TRIM16: variants seen among roughly 807,000 people sequenced by gnomAD.
TRIM16 encodes the protein tripartite motif-containing protein 16.
In TRIM16, 33 loss-of-function variants were observed where a neutral mutation model predicts 50.4. The observed-to-expected ratio is 0.65, with a 90% CI of 0.50 to 0.88. TRIM16 has a LOEUF of 0.88. Among genes scored for constraint, TRIM16 ranks in the 40% least tolerant of loss-of-function variants. TRIM16 has a pLI of 0.00. For synonymous variants in TRIM16, 229 were observed against 270.7 expected, an observed-to-expected ratio of 0.85 and a Z score of 1.51; for missense variants, 581 against 686.8, an observed-to-expected ratio of 0.85 and a Z score of 1.72.
chr17:15,676,926 G>A (rs1262533310), intron 6 of TRIM16, among the ~76,000 whole-genome samples: 1 of 152,200 alleles, frequency 6.6e-6, no homozygotes, highest in Non-Finnish European at 1.5e-5. Flanking sequence ...AATGGGAATA[G>A]CCTCATAAAA....
At position 15,628,372 on chromosome 17, in the gene TRIM16, G is replaced by C; in HGVS notation, c.*243C>G. The stretch of plus-strand genomic sequence containing the variant: ...TGCAGTGAGCCAAGATCGCGCCACT[G>C]CTCTCCAGCCTGGGCAACAGTGCGA... On this transcript the variant is annotated 3_prime_UTR_variant, in exon 12 of 12. Coordinates refer to ENST00000649191, the MANE Select transcript of TRIM16 (RefSeq NM_001348119.1). 2.4e-6 allele frequency: 1 copy of C among 420,716 alleles called. No homozygotes were observed. 26.1% of individuals were successfully genotyped at this position (420,716 alleles called of 1,614,324 possible).
chr17:15,662,362 T>G (rs571104090), intron 6 of TRIM16, among the ~76,000 whole-genome samples: 36 of 152,304 alleles, frequency 2.4e-4, no homozygotes, highest in African/African-American at 7.7e-4. Context: ...AAGTGGCTGC[T>G]CCTGAGTCCC....
intron 6 of TRIM16, among the ~76,000 whole-genome samples, chr17:15,655,579 CTTTT>C (rs796123712): frequency 6.8e-6 from 1 of 146,626 alleles, no homozygotes; most frequent in Non-Finnish European, 1.5e-5. Flanking sequence ...TGATCTCTCT[CTTTT>C]TTTTTTTTTG....
At chr17:15,670,755 CTT>C (rs1246262790) in intron 6 of TRIM16, among the ~76,000 whole-genome samples, 1 of 152,222 alleles carries the variant, frequency 6.6e-6, no homozygotes, top group East Asian at 1.9e-4. Context: ...TTACTGGAAT[CTT>C]TTTAATTTCT....
intron 6 of TRIM16, among the ~76,000 whole-genome samples, chr17:15,673,158 T>G (rs140207369): frequency 1.3e-5 from 2 of 152,230 alleles, no homozygotes; most frequent in African/African-American, 4.8e-5. Flanking sequence ...TTGTTACCAA[T>G]TGTTAACAAA....
chr17:15,630,047 T>C (rs925215264), intron 11 of TRIM16, among the ~76,000 whole-genome samples: 31 of 152,216 alleles, frequency 2.0e-4, no homozygotes, highest in African/African-American at 7.2e-4. Context: ...GCTCTTATGA[T>C]AAAGCAGCAA....
In TRIM16 at chr17:15,672,326, C is replaced by G. The variant is rs1411854662; in HGVS notation, c.-338+4850G>C. Among the ~76,000 whole-genome samples the G allele has an allele frequency of 9.4e-5, 14 of 149,012 alleles. No individual in the cohort carries two copies. The East Asian group carries it at 2.7e-3, about 29-fold the overall frequency. On this transcript the variant is annotated intron_variant, in intron 6 of 11. Transcript: ENST00000649191. Reference sequence around the variant, plus strand: ...ACCCCCACCCCAGACTTTACCACAACCAAACAAACACACTGAGCTTTAGCT... The same window carrying G: ...ACCCCCACCCCAGACTTTACCACAAGCAAACAAACACACTGAGCTTTAGCT...
intron 11 of TRIM16, among the ~76,000 whole-genome samples, chr17:15,631,147 A>G (rs1383937715): frequency 1.3e-5 from 2 of 152,172 alleles, no homozygotes; most frequent in African/African-American, 4.8e-5. Flanking sequence ...TCAAAGTGCT[A>G]TGGTCATGAA....
chr17:15,642,628 G>C (rs1246487658), intron 8 of TRIM16, 93 bp downstream of exon 8: 8 of 1,088,756 alleles, frequency 7.3e-6, no homozygotes, highest in Non-Finnish European at 1.1e-5. Context: ...CTCATTTGTG[G>C]AGAAACCCCA....
At chr17:15,679,815 T>C (rs1000745247) in intron 4 of TRIM16, among the ~76,000 whole-genome samples, 3 of 151,886 alleles carry the variant, frequency 2.0e-5, no homozygotes, top group African/African-American at 7.3e-5. Context: ...CGGGTGCCTG[T>C]AGTCCCAGCT....
chr17:15,632,438 C>T, intron 10 of TRIM16, 71 bp downstream of exon 10: 1 of 1,475,216 alleles, frequency 6.8e-7, no homozygotes, highest in East Asian at 2.3e-5. Flanking sequence ...TTCCCTGACT[C>T]TCTCTCACCT....
chr17:15,651,688 C>T lies in TRIM16; in HGVS notation c.-79G>A. 1 of 1,556,612 alleles carries T rather than the reference C, an allele frequency of 6.4e-7. No individual in the cohort carries two copies. The highest frequency in any genetic ancestry group is 1.2e-5 in the South Asian group (1 of 85,866). On this transcript the variant is annotated 5_prime_UTR_variant, in exon 7 of 12. Coordinates refer to ENST00000649191, the MANE Select transcript of TRIM16 (RefSeq NM_001348119.1). ...GTGCAGCCCAAGTCAGACAAGAGAA[C>T]CACGCCTAGATGATTGCAGCTGCTG...
At chr17:15,633,633 T>A (rs1272914474) in intron 9 of TRIM16, among the ~76,000 whole-genome samples, 1 of 145,308 alleles carries the variant, frequency 6.9e-6, no homozygotes, top group Admixed American at 6.8e-5. Flanking sequence ...TCTTGCCTGC[T>A]AGGTTCAAGC....
At chr17:15,662,125 C>T (rs2072821841) in intron 6 of TRIM16, among the ~76,000 whole-genome samples, 1 of 152,226 alleles carries the variant, frequency 6.6e-6, no homozygotes, top group East Asian at 1.9e-4. Context: ...GTGGTGACTG[C>T]TTCAGGGATA....
chr17:15,666,797 T>C (rs1988520440), intron 6 of TRIM16, among the ~76,000 whole-genome samples: 1 of 152,264 alleles, frequency 6.6e-6, no homozygotes, highest in Admixed American at 6.5e-5. Flanking sequence ...TAACCAAGCG[T>C]GTTCATCCAT....
intron 6 of TRIM16, among the ~76,000 whole-genome samples, chr17:15,673,725 C>G (rs1205582804): frequency 6.6e-6 from 1 of 152,106 alleles, no homozygotes; most frequent in African/African-American, 2.4e-5. Context: ...AGTGTTGAGT[C>G]ACAGCATAAC....
Position 15,651,454 on chromosome 17 carries a change from G to C in TRIM16, c.156C>G (p.Gly52=), listed in dbSNP as rs755266781. ...CGCTGTCCTGTTCCTCCGTCTCCCT[G>C]CCAAGCTTCTCCGAGGAGCCCACGT... is the stretch of plus-strand genomic sequence containing the variant. The part of the protein sequence containing the change: ...EEDVGSSEKL[G]RETEEQDSDS... Residue 52 remains glycine (G), a synonymous_variant, in exon 7 of 12, where the codon GGC becomes GGG. Coordinates refer to ENST00000649191, the MANE Select transcript of TRIM16 (RefSeq NM_001348119.1). 24 of 1,612,090 alleles carry C rather than the reference G, an allele frequency of 1.5e-5. No individual in the cohort carries two copies. In the South Asian group the frequency reaches 2.4e-4, roughly 16 times the overall value.
intron 4 of TRIM16, among the ~76,000 whole-genome samples, chr17:15,678,143 C>T (rs1021869144): frequency 6.6e-6 from 1 of 151,472 alleles, no homozygotes; most frequent in South Asian, 2.1e-4. Flanking sequence ...GGCGTGAACC[C>T]GGGAGGCGAA....
At position 15,630,657 on chromosome 17, in the gene TRIM16, A is replaced by AT. The variant is rs201114635; in HGVS notation, c.1111+961_1111+962insA. On this transcript the variant is annotated intron_variant, in intron 11 of 11. Transcript: ENST00000649191. ...GGCTCCATCTCTACAATTGTTTAAA[A>AT]ATTTTTTTTTTAATTAGCCAGATGT... Among the ~76,000 whole-genome samples, 615 of 151,302 alleles carry AT rather than the reference A, an allele frequency of 4.1e-3. 4 individuals carry two copies. The highest frequency in any genetic ancestry group is 0.014 in the African/African-American group (578 of 41,210).
Sources: allele counts gnomAD v4.1 joint callset (sites outside exome capture counted in the v4.1 genomes callset), GRCh38; gene constraint gnomAD v4.1.1; transcripts MANE v1.5; gene names NCBI Gene and HGNC (gene_info 2026-07-23, HGNC 2026-07-21).